USH2A: variants seen among roughly 807,000 people sequenced by gnomAD.
USH2A encodes Usher syndrome 2A (autosomal recessive, mild).
USH2A carries 443 observed loss-of-function variants against 538.9 expected under a neutral mutation model. That is an observed-to-expected ratio of 0.82 (90% CI 0.76 to 0.89). The LOEUF is 0.89. Ranked by LOEUF, USH2A falls within the 40% of genes least tolerant of loss-of-function variation. The pLI is 0.00. For synonymous variants in USH2A, 2,413 were observed against 2,273.5 expected, an observed-to-expected ratio of 1.06 and a Z score of -1.75; for missense variants, 6,633 against 6,324.8, an observed-to-expected ratio of 1.05 and a Z score of -1.65.
intron 55 of USH2A, among the ~76,000 whole-genome samples, chr1:215,769,761 G>A (rs775476326): frequency 6.6e-5 from 10 of 152,250 alleles, no homozygotes; most frequent in African/African-American, 1.2e-4. Flanking sequence ...GAAAACCTTC[G>A]TCAAGAAGTC....
chr1:215,789,823 A>G (rs374266765), intron 51 of USH2A, among the ~76,000 whole-genome samples: 1 of 152,134 alleles, frequency 6.6e-6, no homozygotes, highest in South Asian at 2.1e-4. Flanking sequence ...TCCTGCACTA[A>G]TCTGAAGTGC....
chr1:216,269,738 T>G (rs1259515350), intron 11 of USH2A, among the ~76,000 whole-genome samples: 1 of 152,120 alleles, frequency 6.6e-6, no homozygotes, highest in African/African-American at 2.4e-5. Flanking sequence ...GCATATTGCC[T>G]TGTGATCACA....
rs141527148 is a variant in USH2A, at chr1:216,011,533, C to T, written c.6326-10971G>A. Among the ~76,000 whole-genome samples the T allele has an allele frequency of 2.7e-3, 415 of 152,262 alleles. 1 individual carries two copies. Among genetic ancestry groups the T allele is most frequent in the African/African-American group, 9.2e-3 (381 of 41,554 alleles). The stretch of plus-strand genomic sequence containing the variant: ...AACAACAATTCCTTTCCTTCATAGG[C>T]ATGGTTAGTGCGGTCAGAATTCTTA... On this transcript the variant is annotated intron_variant, in intron 32 of 71. Transcript: ENST00000307340.
At chr1:215,936,314 G>C (rs1344752757) in intron 37 of USH2A, among the ~76,000 whole-genome samples, 1 of 151,936 alleles carries the variant, frequency 6.6e-6, no homozygotes, top group Non-Finnish European at 1.5e-5. Flanking sequence ...AAAATGCAAG[G>C]TTTACAATAT....
At chr1:215,942,776 G>T (rs1571833604) in intron 37 of USH2A, among the ~76,000 whole-genome samples, 4 of 152,008 alleles carry the variant, frequency 2.6e-5, no homozygotes. Flanking sequence ...AGGAGTATAA[G>T]CCAAAAAAAA....
chr1:216,335,388 A>G (rs2037949241), intron 4 of USH2A, among the ~76,000 whole-genome samples: 1 of 151,560 alleles, frequency 6.6e-6, no homozygotes, highest in Non-Finnish European at 1.5e-5. Context: ...CTAGAAAAAG[A>G]AAAACAAACT....
intron 21 of USH2A, chr1:216,174,718 A>T (rs983158688): frequency 1.0e-6 from 1 of 990,132 alleles, no homozygotes; most frequent in Non-Finnish European, 1.2e-6. Context: ...TGTTCTTCAT[A>T]GAACATGAGA....
At chr1:216,385,901 G>T (rs2038995321) in intron 3 of USH2A, among the ~76,000 whole-genome samples, 1 of 152,066 alleles carries the variant, frequency 6.6e-6, no homozygotes, top group South Asian at 2.1e-4. Flanking sequence ...CCCCATCTCT[G>T]CCTCTTGAAA....
chr1:215,724,665 G>C (rs1253834281), intron 61 of USH2A, among the ~76,000 whole-genome samples: 1 of 152,192 alleles, frequency 6.6e-6, no homozygotes, highest in Non-Finnish European at 1.5e-5. Flanking sequence ...CAGAAACGCA[G>C]CTGCAAGAAG....
chr1:215,960,160 A>G (rs561561857), intron 37 of USH2A, among the ~76,000 whole-genome samples: 1 of 152,176 alleles, frequency 6.6e-6, no homozygotes, highest in East Asian at 1.9e-4. Context: ...AGGTTGTTTT[A>G]TATTTGTAGC....
chr1:216,009,523 C>T (rs977924241), intron 32 of USH2A, among the ~76,000 whole-genome samples: 8 of 152,212 alleles, frequency 5.3e-5, no homozygotes, highest in African/African-American at 9.6e-5. Flanking sequence ...TTTTACACAT[C>T]GGTCCCTTCC....
chr1:216,059,052 G>A (rs563006683), intron 30 of USH2A, among the ~76,000 whole-genome samples: 217 of 152,032 alleles, frequency 1.4e-3, no homozygotes, highest in African/African-American at 4.8e-3. Flanking sequence ...AAAATTTCAC[G>A]GCGTTGAATT....
At chr1:215,901,292 T>C in intron 38 of USH2A, 1 of 312,562 alleles carries the variant, frequency 3.2e-6, no homozygotes, top group Non-Finnish European at 6.2e-6. Context: ...CCAGATCTCA[T>C]ATTCTTCCCC....
chr1:216,350,834 T>C (rs1207575260), intron 4 of USH2A, among the ~76,000 whole-genome samples: 2 of 152,182 alleles, frequency 1.3e-5, no homozygotes, highest in African/African-American at 4.8e-5. Flanking sequence ...CACAAGGCAA[T>C]GTCCTAGAGG....
intron 41 of USH2A, among the ~76,000 whole-genome samples, chr1:215,882,624 T>C (rs1021577684): frequency 5.9e-5 from 9 of 152,176 alleles, no homozygotes; most frequent in African/African-American, 2.2e-4. Flanking sequence ...CCATACTTTT[T>C]GTATGCTCGT....
At chr1:216,270,742 C>T (rs1156753024) in intron 11 of USH2A, among the ~76,000 whole-genome samples, 2 of 150,428 alleles carry the variant, frequency 1.3e-5, no homozygotes, top group Non-Finnish European at 2.9e-5. Context: ...CAGGGTCTCA[C>T]TCTGCTGCCT....
intron 1 of USH2A, among the ~76,000 whole-genome samples, chr1:216,422,813 TTA>T (rs1047622768): frequency 2.0e-5 from 3 of 150,850 alleles, no homozygotes; most frequent in Admixed American, 1.3e-4. Flanking sequence ...TGTGTGTGTT[TTA>T]TATATATATA....
At position 215,759,809 on chromosome 1, in the gene USH2A, A is replaced by C; in HGVS notation, c.11082T>G (p.Asn3694Lys). Residue 3694 changes from asparagine to lysine, a missense_variant, in exon 57 of 72, where the codon AAT becomes AAG. Transcript: ENST00000307340. ...VWVTPRHIII[N>K]STTVELYWSL... ...TCCAATATAATTCCACTGTTGTAGA[A>C]TTGATGATAATGTGTCGAGGTGTCA... 1.2e-6 allele frequency: 2 copies of C among 1,614,026 alleles called. No individual in the cohort carries two copies. The highest frequency in any genetic ancestry group is 2.7e-5 in the African/African-American group (2 of 75,034).
chr1:215,994,696 A>G (rs1668093383), intron 34 of USH2A, among the ~76,000 whole-genome samples: 2 of 152,088 alleles, frequency 1.3e-5, no homozygotes, highest in East Asian at 1.9e-4. Context: ...GCAAGAAAAA[A>G]ACCATACTCC....
Sources: allele counts gnomAD v4.1 joint callset (sites outside exome capture counted in the v4.1 genomes callset), GRCh38; gene constraint gnomAD v4.1.1; transcripts MANE v1.5; gene names NCBI Gene and HGNC (gene_info 2026-07-23, HGNC 2026-07-21).